The following PTPRG variants were observed in gnomAD, a reference collection of about 807,000 sequenced individuals.
The protein encoded by PTPRG is protein tyrosine phosphatase receptor type G.
PTPRG carries 102 observed loss-of-function variants against 165.3 expected under a neutral mutation model. That is an observed-to-expected ratio of 0.62 (90% CI 0.53 to 0.73). The LOEUF is 0.73. Ranked by LOEUF, PTPRG falls within the 30% of genes least tolerant of loss-of-function variation. The probability of loss-of-function intolerance (pLI) is 0.00; values close to 1 mark genes in which losing one functional copy is unlikely to be tolerated. For missense variants in PTPRG, 1,866 were observed against 1,861.4 expected (o/e 1.00, Z -0.05); for synonymous variants, 675 against 669.5 (o/e 1.01, Z -0.13).
chr3:61,652,918 C>A (rs13064689), intron 1 of PTPRG, among the ~76,000 whole-genome samples: 1 of 152,234 alleles, frequency 6.6e-6, no homozygotes, highest in African/African-American at 2.4e-5. Context: ...GGGTCAGAAG[C>A]CTGTTTGGCA....
chr3:62,152,483 C>G (rs1219065422), intron 6 of PTPRG, among the ~76,000 whole-genome samples: 1 of 152,136 alleles, frequency 6.6e-6, no homozygotes, highest in East Asian at 1.9e-4. Context: ...CAGTTGAGCC[C>G]CTATGGCTTA....
At chr3:61,772,997 T>C (rs901208356) in intron 2 of PTPRG, among the ~76,000 whole-genome samples, 18 of 152,194 alleles carry the variant, frequency 1.2e-4, no homozygotes, top group Non-Finnish European at 2.9e-5. Flanking sequence ...AATGAAGGAA[T>C]TGCTTTTAGA....
chr3:62,171,922 C>CCCTT (rs1705232472), intron 8 of PTPRG, among the ~76,000 whole-genome samples: 1 of 152,170 alleles, frequency 6.6e-6, no homozygotes, highest in South Asian at 2.1e-4. Flanking sequence ...GTCCCTCCCT[C>CCCTT]CCTTCCTCCA....
chr3:61,668,811 G>A (rs1702883416), intron 1 of PTPRG, among the ~76,000 whole-genome samples: 1 of 151,956 alleles, frequency 6.6e-6, no homozygotes, highest in Non-Finnish European at 1.5e-5. Context: ...TATTATCTTG[G>A]GCTGAAAGTA....
chr3:61,682,045 A>G (rs1250256439), intron 1 of PTPRG, among the ~76,000 whole-genome samples: 1 of 148,874 alleles, frequency 6.7e-6, no homozygotes, highest in African/African-American at 2.5e-5. Flanking sequence ...ACTATATGGG[A>G]GGCTGAGGCA....
intron 1 of PTPRG, among the ~76,000 whole-genome samples, chr3:61,664,780 G>A (rs141548886): frequency 0.014 from 2,121 of 152,268 alleles, 27 homozygotes; most frequent in South Asian, 0.029. Context: ...GCGGTGAGCC[G>A]AGATCGCGCC....
intron 2 of PTPRG, among the ~76,000 whole-genome samples, chr3:61,816,234 A>G (rs941314522): frequency 6.6e-6 from 1 of 152,214 alleles, no homozygotes; most frequent in Non-Finnish European, 1.5e-5. Context: ...CAGAATTTCA[A>G]AAACCCAGAA....
At chr3:61,981,011 G>T (rs1194279206) in intron 2 of PTPRG, among the ~76,000 whole-genome samples, 2 of 152,158 alleles carry the variant, frequency 1.3e-5, no homozygotes, top group African/African-American at 4.8e-5. Flanking sequence ...AGAAATACTT[G>T]AGACTGGGTA....
chr3:61,719,711 C>T (rs1051878853), intron 1 of PTPRG, among the ~76,000 whole-genome samples: 1 of 152,140 alleles, frequency 6.6e-6, no homozygotes, highest in African/African-American at 2.4e-5. Flanking sequence ...GAATTGAGGC[C>T]ATGTGTGGTT....
At chr3:62,072,474 T>A (rs1287355269) in intron 4 of PTPRG, among the ~76,000 whole-genome samples, 1 of 152,168 alleles carries the variant, frequency 6.6e-6, no homozygotes, top group East Asian at 1.9e-4. Flanking sequence ...ATGATCCATT[T>A]GGGCTAATGA....
rs377502492 is a variant in PTPRG at position 62,223,533 on chromosome 3, A to G, written c.2288+4550A>G. On this transcript the variant is annotated intron_variant, in intron 13 of 29. Transcript: ENST00000474889. Reference sequence around the variant, plus strand: ...AAAGGGCCCCTCAGAGGAGGTGCCAATGAAAAACAGGTTGAGAAACACTGC... The same window carrying G: ...AAAGGGCCCCTCAGAGGAGGTGCCAGTGAAAAACAGGTTGAGAAACACTGC... Among the ~76,000 whole-genome samples the G allele has an allele frequency of 4.6e-5, 7 of 152,346 alleles. 1 individual carries two copies. Among genetic ancestry groups the G allele is most frequent in the South Asian group, 2.1e-4 (1 of 4,832 alleles).
intron 5 of PTPRG, among the ~76,000 whole-genome samples, chr3:62,097,788 G>T (rs923198348): frequency 1.3e-5 from 2 of 152,022 alleles, no homozygotes; most frequent in Admixed American, 6.6e-5. Context: ...TTTGTTTTTA[G>T]GAATATTTTA....
chr3:61,967,947 T>C (rs2040305760), intron 2 of PTPRG, among the ~76,000 whole-genome samples: 1 of 152,154 alleles, frequency 6.6e-6, no homozygotes, highest in Admixed American at 6.6e-5. Flanking sequence ...AATAATAGTA[T>C]GTGAGTAAGT....
intron 4 of PTPRG, among the ~76,000 whole-genome samples, chr3:62,069,684 T>TCTCTCTCTCTCTCTCACA (rs542306888): frequency 4.8e-5 from 7 of 145,058 alleles, no homozygotes; most frequent in African/African-American, 1.9e-4. Context: ...TCTCTCTCTC[T>TCTCTCTCTCTCTCTCACA]CACACACAGA....
Position 62,271,892 on chromosome 3 carries a change from C to G in PTPRG, c.3182+337C>G, listed in dbSNP as rs979454006. On this transcript the variant is annotated intron_variant, in intron 21 of 29. Coordinates refer to ENST00000474889, the MANE Select transcript of PTPRG (RefSeq NM_002841.4). This position sits in a 1 kb window ranked among gnomAD's most constrained non-coding sequence, Gnocchi z 4.1. ...ATCACTTGAGCCCAGGAGTTTGAGA[C>G]CAGCCTGGGCAACAAAGTGACACCC... 2.6e-5 allele frequency among the ~76,000 whole-genome samples: 4 copies of G among 151,980 alleles called. No homozygotes were observed. The highest frequency in any genetic ancestry group is 9.7e-5 in the African/African-American group (4 of 41,394).
chr3:62,223,953 GTATT>G (rs1700705977), intron 13 of PTPRG, among the ~76,000 whole-genome samples: 2 of 152,132 alleles, frequency 1.3e-5, no homozygotes, highest in South Asian at 2.1e-4. Context: ...GTTGTGCAAA[GTATT>G]TATCCTAGAA....
In PTPRG at chr3:62,293,331, A is replaced by C. The variant is rs1702966100; in HGVS notation, c.*24A>C. ...GACTGGAATCCTGAAAGGGCACTTA[A>C]TTTGTAAACTTCTGAAGACTGAGAA... On this transcript the variant is annotated 3_prime_UTR_variant, in exon 30 of 30. Coordinates refer to ENST00000474889, the MANE Select transcript of PTPRG (RefSeq NM_002841.4). 3 of 1,526,496 alleles carry C rather than the reference A, an allele frequency of 2.0e-6. No homozygotes were observed. Among genetic ancestry groups the C allele is most frequent in the Non-Finnish European group, 1.8e-6 (2 of 1,141,846 alleles). The allele number at this position is 1,526,496 out of a possible 1,614,324, so 94.6% of individuals were successfully genotyped here.
intron 4 of PTPRG, among the ~76,000 whole-genome samples, chr3:62,043,624 A>G (rs1017266159): frequency 6.6e-6 from 1 of 152,344 alleles, no homozygotes. Context: ...AGAGAAATAG[A>G]TCATATACTT....
At chr3:61,595,183 T>G (rs1418346885) in intron 1 of PTPRG, among the ~76,000 whole-genome samples, 2 of 151,204 alleles carry the variant, frequency 1.3e-5, no homozygotes, top group African/African-American at 4.9e-5. Flanking sequence ...CAAGATGTGT[T>G]TGTTTTTTTT....
Sources: gnomAD v4.1 joint callset for allele counts (sites outside exome capture counted in the v4.1 genomes callset) on GRCh38, gnomAD v4.1.1 for gene constraint, Gnocchi (gnomAD v3.1) non-coding constraint, MANE v1.5 for transcripts, NCBI Gene and HGNC (gene_info 2026-07-23, HGNC 2026-07-21) for gene names.